Variants in GDI2 observed in about 807,000 individuals in gnomAD.
GDI2 encodes GDP dissociation inhibitor 2.
Under a neutral mutation model 54.2 loss-of-function variants are expected in GDI2, and 22 were observed. The ratio of observed to expected loss-of-function variants is 0.41; its 90% confidence interval spans 0.29 to 0.58. The LOEUF (loss-of-function observed/expected upper bound fraction) is 0.58, where lower values mean the gene tolerates loss of function less well. Ranked by LOEUF, GDI2 falls within the 20% of genes least tolerant of loss-of-function variation. The probability of loss-of-function intolerance (pLI) is 0.35; values close to 1 mark genes in which losing one functional copy is unlikely to be tolerated. For missense variants in GDI2, 422 were observed against 546.0 expected (o/e 0.77, Z 2.26); for synonymous variants, 177 against 182.1 (o/e 0.97, Z 0.23).
chr10:5,783,573 T>C (rs1228078517), intron 6 of GDI2, among the ~76,000 whole-genome samples: 4 of 152,236 alleles, frequency 2.6e-5, no homozygotes. Context: ...TTTAAGGAGA[T>C]ACAATTTTGG....
Position 5,776,759 on chromosome 10 carries a change from G to A in GDI2, c.720-2818C>T. The A allele has an allele frequency of 6.5e-7, 1 of 1,544,166 alleles. No homozygotes were observed. The highest frequency in any genetic ancestry group is 1.1e-5 in the South Asian group (1 of 89,018). On this transcript the variant is annotated intron_variant, in intron 6 of 10. Coordinates refer to ENST00000380191, the MANE Select transcript of GDI2 (RefSeq NM_001494.4). The surrounding 1 kb of genome is among the most constrained non-coding windows in gnomAD (Gnocchi z 5.3). ...GAAGTTTGCAGCAAATACCAGGAAA[G>A]CCAAGGACATTCCAATCCCCAATCT...
intron 3 of GDI2, among the ~76,000 whole-genome samples, chr10:5,796,348 C>CA (rs60804301): frequency 0.53 from 75,873 of 143,468 alleles, 20,124 homozygotes; most frequent in Middle Eastern, 0.64. Flanking sequence ...GACTCCGTCT[C>CA]AAAAAAAAAA....
At chr10:5,812,748 C>T (rs1053607992) in intron 1 of GDI2, among the ~76,000 whole-genome samples, 1 of 152,252 alleles carries the variant, frequency 6.6e-6, no homozygotes, top group Non-Finnish European at 1.5e-5. Context: ...AAACCCCGTA[C>T]TCGGCTTTGG....
intron 1 of GDI2, among the ~76,000 whole-genome samples, chr10:5,810,104 G>A (rs1841456545): frequency 1.3e-5 from 2 of 152,172 alleles, no homozygotes; most frequent in Non-Finnish European, 2.9e-5. Flanking sequence ...TTTTAGTTCA[G>A]AATTTTAAAA....
At chr10:5,778,385 G>T (rs1449760300) in intron 6 of GDI2, among the ~76,000 whole-genome samples, 1 of 152,210 alleles carries the variant, frequency 6.6e-6, no homozygotes, top group Non-Finnish European at 1.5e-5. Context: ...CCTTGTAATT[G>T]AAACATGCTT....
Position 5,776,559 on chromosome 10 carries a change from T to C in GDI2, c.720-2618A>G. 6.4e-7 allele frequency: 1 copy of C among 1,565,200 alleles called. No homozygotes were observed. Among genetic ancestry groups the C allele is most frequent in the Middle Eastern group, 2.3e-4 (1 of 4,328 alleles). On this transcript the variant is annotated intron_variant, in intron 6 of 10. Transcript: ENST00000380191. This position sits in a 1 kb window ranked among gnomAD's most constrained non-coding sequence, Gnocchi z 5.3. Reference sequence around the variant, plus strand: ...TTGAAGAGGCATGTGGAATTCCTTGTGGCTGAGAATGAAAGATTAAGGAAA... The same window carrying C: ...TTGAAGAGGCATGTGGAATTCCTTGCGGCTGAGAATGAAAGATTAAGGAAA...
chr10:5,788,824 G>A (rs994629432), intron 4 of GDI2, among the ~76,000 whole-genome samples: 2 of 151,770 alleles, frequency 1.3e-5, no homozygotes, highest in African/African-American at 2.4e-5. Flanking sequence ...GCGCAGTGGC[G>A]CGATTTCGGC....
At chr10:5,797,459 C>T (rs940958458) in intron 2 of GDI2, among the ~76,000 whole-genome samples, 2 of 145,410 alleles carry the variant, frequency 1.4e-5, no homozygotes, top group African/African-American at 2.5e-5. Flanking sequence ...GCAGGAGAAT[C>T]GTTTCAACAT....
chr10:5,812,517 C>A (rs1034992304), intron 1 of GDI2, among the ~76,000 whole-genome samples: 1 of 152,160 alleles, frequency 6.6e-6, no homozygotes, highest in Non-Finnish European at 1.5e-5. Flanking sequence ...CGGCGAAGGT[C>A]AGGTGCGAAA....
At chr10:5,785,351 C>T (rs1206936096) in intron 5 of GDI2, 78 bp from the exon 6 acceptor site, 31 of 1,026,854 alleles carry the variant, frequency 3.0e-5, no homozygotes, top group South Asian at 2.0e-4. Flanking sequence ...TTTTTTGAAG[C>T]GATTTCAATC....
At chr10:5,772,312 C>A (rs1840508624) in intron 7 of GDI2, among the ~76,000 whole-genome samples, 1 of 152,186 alleles carries the variant, frequency 6.6e-6, no homozygotes, top group Non-Finnish European at 1.5e-5. Context: ...ATTAACAAAA[C>A]CTAGTAATGT....
At chr10:5,779,725 G>C (rs1440155045) in intron 6 of GDI2, among the ~76,000 whole-genome samples, 1 of 148,238 alleles carries the variant, frequency 6.7e-6, no homozygotes, top group Non-Finnish European at 1.5e-5. Flanking sequence ...ACAGGGTCCT[G>C]CTCTGTCACC....
intron 8 of GDI2, among the ~76,000 whole-genome samples, chr10:5,767,911 A>T (rs1840394859): frequency 6.6e-6 from 1 of 152,202 alleles, no homozygotes; most frequent in Admixed American, 6.5e-5. Context: ...TCAGTTAACT[A>T]TTAAGCATAA....
At position 5,768,380 on chromosome 10, in the gene GDI2, G is replaced by A; in HGVS notation, c.824C>T (p.Ala275Val). 1.2e-6 allele frequency: 2 copies of A among 1,607,562 alleles called. No individual in the cohort carries two copies. Among genetic ancestry groups the A allele is most frequent in the Admixed American group, 1.7e-5 (1 of 59,990 alleles). The change falls in exon 8 of 11, where the codon GCT becomes GTT. Residue 275 changes from alanine (A) to valine (V), a missense_variant. Ala to Val is a moderately conservative substitution (Grantham distance 64, BLOSUM62 0). Transcript: ENST00000380191. The surrounding 1 kb of genome is among the most constrained non-coding windows in gnomAD (Gnocchi z 4.4). The stretch of plus-strand genomic sequence containing the variant: ...GTCACAGATGAGCTGCTTACAGCGA[G>A]CAATCTATAACAAAGCATTTAAGAA... ...VIGVKSEGEI[A>V]RCKQLICDPS...
chr10:5,787,375 A>G (rs1018099303), intron 4 of GDI2, among the ~76,000 whole-genome samples: 2 of 152,172 alleles, frequency 1.3e-5, no homozygotes, highest in African/African-American at 4.8e-5. Context: ...GTGGTGGCGC[A>G]CGCCTGTAAT....
chr10:5,782,258 A>C (rs1391348376), intron 6 of GDI2, among the ~76,000 whole-genome samples: 2 of 152,206 alleles, frequency 1.3e-5, no homozygotes, highest in African/African-American at 4.8e-5. Flanking sequence ...ATACAAATTA[A>C]AACCATAATG....
intron 4 of GDI2, among the ~76,000 whole-genome samples, chr10:5,786,328 G>A (rs886986488): frequency 6.6e-6 from 1 of 151,796 alleles, no homozygotes; most frequent in South Asian, 2.1e-4. Flanking sequence ...CCGCCATTAC[G>A]CCCAGCTAAT....
At position 5,776,218 on chromosome 10, in the gene GDI2, A is replaced by C; in HGVS notation, c.720-2277T>G. 1 of 398,972 alleles carries C rather than the reference A, an allele frequency of 2.5e-6. No homozygotes were observed. 24.7% of individuals were successfully genotyped at this position (398,972 alleles called of 1,614,324 possible). On this transcript the variant is annotated intron_variant, in intron 6 of 10. Transcript: ENST00000380191. The surrounding 1 kb of genome is among the most constrained non-coding windows in gnomAD (Gnocchi z 5.3). The stretch of plus-strand genomic sequence containing the variant: ...CTGAGCAGGCTCATTTTTCACTGGA[A>C]TTGCAAAGGAATAGGAAACAGCGCC...
At chr10:5,777,558 CA>C (rs1564390378) in intron 6 of GDI2, among the ~76,000 whole-genome samples, 2 of 152,110 alleles carry the variant, frequency 1.3e-5, no homozygotes, top group Non-Finnish European at 2.9e-5. Flanking sequence ...TAGAGAAATA[CA>C]AATCAAAACC....
Sources: allele counts gnomAD v4.1 joint callset (sites outside exome capture counted in the v4.1 genomes callset), GRCh38; gene constraint gnomAD v4.1.1; non-coding constraint Gnocchi (gnomAD v3.1); transcripts MANE v1.5; gene names NCBI Gene and HGNC (gene_info 2026-07-23, HGNC 2026-07-21).